OTOGL: variants seen among roughly 807,000 people sequenced by gnomAD.
The protein encoded by OTOGL is otogelin-like protein.
A neutral mutation model predicts 318.5 loss-of-function variants in OTOGL; 285 were observed. The ratio of observed to expected loss-of-function variants is 0.89; its 90% CI spans 0.81 to 0.99. The LOEUF is 0.99. OTOGL is among the 50% of genes least tolerant of loss of function. The pLI is 0.00. For synonymous variants in OTOGL, 987 were observed against 936.5 expected (o/e 1.05, Z -0.99); for missense variants, 2,899 against 2,845.6 (o/e 1.02, Z -0.43).
chr12:80,182,242 C>A (rs923982365), intron 1 of OTOGL, among the ~76,000 whole-genome samples: 2 of 152,126 alleles, frequency 1.3e-5, no homozygotes, highest in Non-Finnish European at 2.9e-5. Context: ...TAAATGTTAT[C>A]AAAACTTCCT....
intron 34 of OTOGL, among the ~76,000 whole-genome samples, 162 bp downstream of exon 34, chr12:80,320,862 T>C (rs527929356): frequency 6.6e-6 from 1 of 152,284 alleles, no homozygotes; most frequent in East Asian, 1.9e-4. Context: ...ATATCTCCAA[T>C]ATACGTATTG....
intron 1 of OTOGL, among the ~76,000 whole-genome samples, chr12:80,127,099 T>G (rs1037564017): frequency 3.9e-5 from 6 of 152,226 alleles, no homozygotes; most frequent in African/African-American, 1.4e-4. Flanking sequence ...GTTAGCTGGT[T>G]ATTTTGCACG....
rs377753271 is a variant in OTOGL, at chr12:80,313,551, T to C, written c.3526T>C (p.Leu1176=). 13 of 1,612,314 alleles carry C rather than the reference T, an allele frequency of 8.1e-6. No homozygotes were observed. The highest frequency in any genetic ancestry group is 9.3e-6 in the Non-Finnish European group (11 of 1,178,630). Residue 1176 remains leucine, a synonymous_variant, in exon 31 of 59, where the codon TTG becomes CTG. Transcript: ENST00000547103. The part of the protein sequence containing the change: ...NCNLGGDCEC[L]CTSIAAYAYK... ...CAATCTTGGTGGCGACTGTGAGTGT[T>C]TGTGCACTAGTATAGCTGCATATGC...
intron 1 of OTOGL, among the ~76,000 whole-genome samples, chr12:80,157,393 G>A (rs1054696848): frequency 6.6e-6 from 1 of 151,956 alleles, no homozygotes; most frequent in Admixed American, 6.6e-5. Context: ...TCTATGTGTT[G>A]TCTCTTCACT....
Position 80,252,106 on chromosome 12 carries a change from G to T in OTOGL, c.1190G>T (p.Arg397Leu), listed in dbSNP as rs747186265. 6.4e-7 allele frequency: 1 copy of T among 1,556,116 alleles called. No individual in the cohort carries two copies. The change falls in exon 13 of 59, where the codon CGG becomes CTG. Residue 397 changes from arginine (R) to leucine (L), a missense_variant. By Grantham distance (102) the Arg-to-Leu change is moderately radical (BLOSUM62 -2). Coordinates refer to ENST00000547103, the MANE Select transcript of OTOGL (RefSeq NM_001378609.3). Reference sequence around the variant, plus strand: ...AAATGTGATGATAGCTTTGTCCATCGGGACTGTATCAGTTGTTGTCCACCA... The same window carrying T: ...AAATGTGATGATAGCTTTGTCCATCTGGACTGTATCAGTTGTTGTCCACCA... ...TDKCDDSFVH[R>L]DCISCCPPTC...
At chr12:80,274,559 G>A (rs955369516) in intron 24 of OTOGL, among the ~76,000 whole-genome samples, 11 of 152,042 alleles carry the variant, frequency 7.2e-5, no homozygotes, top group African/African-American at 1.4e-4. Context: ...GCTGCAGCAA[G>A]TTATCCAGAA....
At chr12:80,336,617 A>G in intron 40 of OTOGL, 62 bp downstream of exon 40, 1 of 1,519,490 alleles carries the variant, frequency 6.6e-7, no homozygotes, top group Non-Finnish European at 9.0e-7. Flanking sequence ...GTCTATTGCA[A>G]CATCAGGGAT....
Position 80,222,132 on chromosome 12 carries a change from TGG to T in OTOGL, c.379_380del (p.Gly127ThrfsTer5), listed in dbSNP as rs781732121. The T allele has an allele frequency of 6.3e-7, 1 of 1,598,584 alleles. No homozygotes were observed. Among genetic ancestry groups the T allele is most frequent in the Admixed American group, 1.7e-5 (1 of 59,964 alleles). Reference protein sequence around the residue: ...GNGRDGICKTWGQYHFETFDG... With the variant: ...GNGRDGICKTXGQYHFETFDG... ...CGGCAGAGATGGGATTTGTAAAACC[TGG>T]GGACAGTATCATTTTGAAACATTCG... is the stretch of plus-strand genomic sequence containing the variant. On this transcript the variant is annotated frameshift_variant, in exon 7 of 59. Transcript: ENST00000547103. LOFTEE classifies it high-confidence loss of function.
chr12:80,269,370 A>G (rs1482496590), intron 22 of OTOGL, among the ~76,000 whole-genome samples: 4 of 152,122 alleles, frequency 2.6e-5, no homozygotes, highest in African/African-American at 9.7e-5. Flanking sequence ...CTCTGACTTT[A>G]GAATGTAAGT....
At chr12:80,155,331 T>C (rs1383785685) in intron 1 of OTOGL, among the ~76,000 whole-genome samples, 1 of 152,222 alleles carries the variant, frequency 6.6e-6, no homozygotes, top group Non-Finnish European at 1.5e-5. Context: ...GCCTTTGATG[T>C]TGTATCTAAA....
chr12:80,372,174 A>C (rs1036780721), intron 57 of OTOGL, 110 bp downstream of exon 57: 1 of 616,756 alleles, frequency 1.6e-6, no homozygotes, highest in Non-Finnish European at 2.4e-6. Flanking sequence ...AGAGAGAAAC[A>C]AATTTTATAA....
chr12:80,241,935 T>C (rs1420285262), intron 11 of OTOGL, among the ~76,000 whole-genome samples: 1 of 152,052 alleles, frequency 6.6e-6, no homozygotes, highest in African/African-American at 2.4e-5. Context: ...TTTTAGCCCT[T>C]AAAAAGGGAG....
Position 80,378,606 on chromosome 12 carries a change from A to C in OTOGL, c.*558A>C, listed in dbSNP as rs1013947329. Reference sequence around the variant, plus strand: ...TGCAGGTGTAACAGATAACCAGAGAAGCTGTGTGACTCGTACAAATTTATT... The same window carrying C: ...TGCAGGTGTAACAGATAACCAGAGACGCTGTGTGACTCGTACAAATTTATT... On this transcript the variant is annotated 3_prime_UTR_variant, in exon 59 of 59. Coordinates refer to ENST00000547103, the MANE Select transcript of OTOGL (RefSeq NM_001378609.3). 1 of 152,726 alleles carries C rather than the reference A, an allele frequency of 6.5e-6. No homozygotes were observed. Among genetic ancestry groups the C allele is most frequent in the Non-Finnish European group, 1.5e-5 (1 of 68,402 alleles). The allele number at this position is 152,726 out of a possible 1,614,324, so 9.5% of individuals were successfully genotyped here.
chr12:80,111,210 C>G (rs1233901098), intron 1 of OTOGL, among the ~76,000 whole-genome samples: 1 of 152,160 alleles, frequency 6.6e-6, no homozygotes, highest in Non-Finnish European at 1.5e-5. Context: ...GTTGCCTGTT[C>G]ACTCCAATGA....
chr12:80,320,389 T>G (rs1887244652), intron 33 of OTOGL, 33 bp from the exon 34 acceptor site: 22 of 1,558,568 alleles, frequency 1.4e-5, no homozygotes, highest in Non-Finnish European at 1.8e-5. Context: ...ATCTTCCTTC[T>G]CCTGAGAATC....
intron 44 of OTOGL, among the ~76,000 whole-genome samples, chr12:80,349,458 G>C (rs1889403917): frequency 6.6e-6 from 1 of 152,016 alleles, no homozygotes; most frequent in African/African-American, 2.4e-5. Context: ...TTCAGTGAGA[G>C]AACATGACCA....
chr12:80,248,821 T>C (rs28853094), intron 11 of OTOGL, among the ~76,000 whole-genome samples: 4 of 150,072 alleles, frequency 2.7e-5, no homozygotes, highest in Non-Finnish European at 5.9e-5. Context: ...GTAGATTTGG[T>C]CTTTTCACAT....
At chr12:80,206,649 A>G (rs1876830935) in intron 1 of OTOGL, among the ~76,000 whole-genome samples, 1 of 151,050 alleles carries the variant, frequency 6.6e-6, no homozygotes, top group African/African-American at 2.4e-5. Flanking sequence ...AGCTGGGACT[A>G]CAGGAGCATG....
At chr12:80,160,651 C>T (rs1163513939) in intron 1 of OTOGL, among the ~76,000 whole-genome samples, 1 of 152,112 alleles carries the variant, frequency 6.6e-6, no homozygotes, top group Non-Finnish European at 1.5e-5. Context: ...TAAAGTAGTG[C>T]AGCCACTATG....
Sources: gnomAD v4.1 joint callset for allele counts (sites outside exome capture counted in the v4.1 genomes callset) on GRCh38, gnomAD v4.1.1 for gene constraint, MANE v1.5 for transcripts, NCBI Gene and HGNC (gene_info 2026-07-23, HGNC 2026-07-21) for gene names.